The following ITK variants were observed in gnomAD, a reference collection of about 807,000 sequenced individuals.
ITK encodes the protein IL2 inducible T cell kinase.
ITK carries 45 observed loss-of-function variants against 87.6 expected under a neutral mutation model. The observed-to-expected ratio is 0.51, with a 90% CI of 0.40 to 0.66. The LOEUF (loss-of-function observed/expected upper bound fraction) is 0.66. ITK is among the 30% of genes least tolerant of loss of function. The pLI is 0.00. For missense variants in ITK, 605 were observed against 766.3 expected, an observed-to-expected ratio of 0.79 and a Z score of 2.48; for synonymous variants, 303 against 273.6, an observed-to-expected ratio of 1.11 and a Z score of -1.06.
At chr5:157,228,538 T>A (rs368189934) in intron 7 of ITK, among the ~76,000 whole-genome samples, 177 bp downstream of exon 7, 42 of 152,330 alleles carry the variant, frequency 2.8e-4, no homozygotes, top group African/African-American at 9.9e-4. Flanking sequence ...AAACCAGGAC[T>A]TTCTGGAGAA....
At chr5:157,205,470 A>T (rs1319409456) in intron 1 of ITK, among the ~76,000 whole-genome samples, 1 of 152,238 alleles carries the variant, frequency 6.6e-6, no homozygotes, top group East Asian at 1.9e-4. Flanking sequence ...AATTTTAAAA[A>T]CTTTTTTAAA....
chr5:157,233,633 C>A (rs1224446979), intron 8 of ITK, among the ~76,000 whole-genome samples: 1 of 152,130 alleles, frequency 6.6e-6, no homozygotes, highest in African/African-American at 2.4e-5. Context: ...GCAAATGTAG[C>A]CAACTCAAAC....
At chr5:157,244,040 C>A in intron 12 of ITK, 1 of 667,442 alleles carries the variant, frequency 1.5e-6, no homozygotes, top group Non-Finnish European at 2.7e-6. Context: ...ACATGCCAGC[C>A]ACACTGGCCT....
intron 3 of ITK, among the ~76,000 whole-genome samples, chr5:157,213,857 A>G (rs1418479484): frequency 1.3e-5 from 2 of 152,194 alleles, no homozygotes; most frequent in African/African-American, 4.8e-5. Context: ...ATTACCCTTA[A>G]GGCACCTTTG....
intron 5 of ITK, among the ~76,000 whole-genome samples, chr5:157,222,344 A>C (rs930954801): frequency 1.3e-5 from 2 of 152,086 alleles, no homozygotes; most frequent in Non-Finnish European, 2.9e-5. Flanking sequence ...GAGTAGAGAG[A>C]GTCTTAGGGC....
intron 12 of ITK, 109 bp downstream of exon 12, chr5:157,243,903 C>A: frequency 9.8e-7 from 1 of 1,017,768 alleles, no homozygotes. Flanking sequence ...CGCAAACTCC[C>A]AGCAGTGGCT....
At chr5:157,224,726 G>A (rs1296546573) in intron 6 of ITK, among the ~76,000 whole-genome samples, 1 of 152,060 alleles carries the variant, frequency 6.6e-6, no homozygotes, top group African/African-American at 2.4e-5. Context: ...GGTTGCAGTG[G>A]GCCAAGCTCA....
intron 5 of ITK, among the ~76,000 whole-genome samples, chr5:157,218,345 A>C (rs1039419213): frequency 6.6e-6 from 1 of 151,878 alleles, no homozygotes; most frequent in African/African-American, 2.4e-5. Flanking sequence ...ATCTCTAGAA[A>C]AAATTTTTAA....
chr5:157,241,992 G>A (rs751710115), intron 11 of ITK, among the ~76,000 whole-genome samples: 4 of 152,184 alleles, frequency 2.6e-5, no homozygotes, highest in Non-Finnish European at 5.9e-5. Flanking sequence ...ACTTTGTACA[G>A]AGCACCCTAC....
rs536290068 is a variant in ITK, at chr5:157,207,377, C to CTTTTTTTTTTTTTT, written c.139-1498_139-1485dup. 6.8e-5 allele frequency among the ~76,000 whole-genome samples: 4 copies of CTTTTTTTTTTTTTT among 59,140 alleles called. 1 individual carries two copies. Among genetic ancestry groups the CTTTTTTTTTTTTTT allele is most frequent in the Non-Finnish European group, 9.2e-5 (3 of 32,560 alleles). 38.8% of individuals were successfully genotyped at this position (59,140 alleles called of 152,430 possible). On this transcript the variant is annotated intron_variant, in intron 1 of 16. Transcript: ENST00000422843. ...CTTTATCACGTATCTAGATACGTCT[C>CTTTTTTTTTTTTTT]TTTTTTTTTTTTTTTTTTTTTTTTT...
chr5:157,250,934 CA>C (rs1483120767), intron 16 of ITK, among the ~76,000 whole-genome samples: 2 of 152,098 alleles, frequency 1.3e-5, no homozygotes, highest in Non-Finnish European at 2.9e-5. Context: ...ATTTACCTGC[CA>C]AAGGAAATCT....
chr5:157,210,369 AG>A (rs1418887236), intron 2 of ITK, among the ~76,000 whole-genome samples: 1 of 152,080 alleles, frequency 6.6e-6, no homozygotes, highest in African/African-American at 2.4e-5. Context: ...CTACTAGAAA[AG>A]TGACCCTCAT....
intron 10 of ITK, chr5:157,240,907 T>C (rs1278629825): frequency 6.6e-6 from 1 of 151,952 alleles, no homozygotes; most frequent in Non-Finnish European, 1.5e-5. Context: ...GCTTTTCTTT[T>C]CTTTTCTTTC....
At chr5:157,187,787 C>T (rs1016475624) in intron 1 of ITK, among the ~76,000 whole-genome samples, 1 of 151,942 alleles carries the variant, frequency 6.6e-6, no homozygotes, top group Non-Finnish European at 1.5e-5. Flanking sequence ...CAGCTAAAGC[C>T]TCCGTAGATA....
intron 1 of ITK, among the ~76,000 whole-genome samples, chr5:157,207,754 C>T (rs962146167): frequency 3.3e-5 from 5 of 152,058 alleles, no homozygotes; most frequent in Admixed American, 2.0e-4. Context: ...TATTTGGCAC[C>T]CATACATATC....
intron 1 of ITK, among the ~76,000 whole-genome samples, chr5:157,188,158 A>G (rs1213125226): frequency 1.3e-5 from 2 of 152,144 alleles, no homozygotes; most frequent in African/African-American, 4.8e-5. Context: ...TTGAGCAGTC[A>G]TGGGCTCTCT....
Position 157,245,731 on chromosome 5 carries a change from C to G in ITK, c.1455C>G (p.Ala485=). Residue 485 remains alanine, a synonymous_variant, in exon 14 of 17, where the codon GCC becomes GCG. Transcript: ENST00000422843. ...EACVIHRDLA[A]RNCLVGENQV... Reference sequence around the variant, plus strand: ...TTTGCCTGTCTCCTCTCCAGGCTGCCAGAAATTGTTTGGTGGGAGAAAACC... The same window carrying G: ...TTTGCCTGTCTCCTCTCCAGGCTGCGAGAAATTGTTTGGTGGGAGAAAACC... 2 of 1,614,068 alleles carry G rather than the reference C, an allele frequency of 1.2e-6. No individual in the cohort carries two copies. Among genetic ancestry groups the G allele is most frequent in the South Asian group, 2.2e-5 (2 of 91,070 alleles).
At chr5:157,203,899 C>A (rs1261980472) in intron 1 of ITK, among the ~76,000 whole-genome samples, 1 of 152,168 alleles carries the variant, frequency 6.6e-6, no homozygotes, top group Non-Finnish European at 1.5e-5. Flanking sequence ...AGGGAAAAGA[C>A]AAATATACTC....
At chr5:157,234,490 A>G (rs1754736207) in intron 8 of ITK, among the ~76,000 whole-genome samples, 1 of 152,174 alleles carries the variant, frequency 6.6e-6, no homozygotes, top group African/African-American at 2.4e-5. Context: ...CTTTTTATCT[A>G]ATAAGTATAG....
Sources: gnomAD v4.1 joint callset for allele counts (sites outside exome capture counted in the v4.1 genomes callset) on GRCh38, gnomAD v4.1.1 for gene constraint, MANE v1.5 for transcripts, NCBI Gene and HGNC (gene_info 2026-07-23, HGNC 2026-07-21) for gene names.